The following LDB2 variants were observed in gnomAD, a reference collection of about 807,000 sequenced individuals.
LDB2 encodes LIM domain binding 2, also known as LIM domain-binding protein 2.
Under a neutral mutation model 44.3 loss-of-function variants are expected in LDB2, and 12 were observed. The observed-to-expected ratio is 0.27, with a 90% CI of 0.17 to 0.44. LDB2 has a LOEUF of 0.44. LDB2 is among the 20% of genes least tolerant of loss of function. The pLI is 1.00. For synonymous variants in LDB2, 164 were observed against 174.8 expected, an observed-to-expected ratio of 0.94 and a Z score of 0.49; for missense variants, 344 against 473.5, an observed-to-expected ratio of 0.73 and a Z score of 2.54.
intron 2 of LDB2, among the ~76,000 whole-genome samples, chr4:16,631,779 A>C (rs1732029106): frequency 1.3e-5 from 2 of 152,240 alleles, no homozygotes; most frequent in Admixed American, 6.5e-5. Context: ...ACAGAAATAC[A>C]AACTACCATC....
intron 1 of LDB2, among the ~76,000 whole-genome samples, chr4:16,890,852 G>C (rs970455357): frequency 3.9e-5 from 6 of 152,082 alleles, no homozygotes; most frequent in African/African-American, 9.7e-5. Flanking sequence ...GGTCTGCAAG[G>C]GTAGGAAGGA....
At chr4:16,567,786 A>G (rs1461795376) in intron 5 of LDB2, among the ~76,000 whole-genome samples, 8 of 152,236 alleles carry the variant, frequency 5.3e-5, no homozygotes, top group Admixed American at 4.6e-4. Context: ...AAAACAAAAA[A>G]AAGTTTACAT....
intron 1 of LDB2, among the ~76,000 whole-genome samples, chr4:16,862,078 G>C (rs748481011): frequency 1.2e-4 from 19 of 152,132 alleles, no homozygotes; most frequent in Non-Finnish European, 2.5e-4. Context: ...CTGCCACACA[G>C]TGAATTCTCA....
chr4:16,545,023 G>A (rs894011874), intron 5 of LDB2, among the ~76,000 whole-genome samples: 1 of 152,118 alleles, frequency 6.6e-6, no homozygotes, highest in Non-Finnish European at 1.5e-5. Flanking sequence ...AACCAAGACA[G>A]CATGATGCCC....
rs138252134 is a variant in LDB2 at position 16,683,521 on chromosome 4, A to G, written c.235+75637T>C. ...GACTGTAATCTCCAAAGTTTCTTTC[A>G]GCTCTAAAATTGTGTCATTTTTCAG... On this transcript the variant is annotated intron_variant, in intron 2 of 7. Coordinates refer to ENST00000304523, the MANE Select transcript of LDB2 (RefSeq NM_001290.5). Among the ~76,000 whole-genome samples the G allele has an allele frequency of 1.7e-3, 256 of 152,318 alleles. 1 individual carries two copies. Among genetic ancestry groups the G allele is most frequent in the African/African-American group, 5.9e-3 (245 of 41,564 alleles).
At chr4:16,845,450 T>A (rs1359366256) in intron 1 of LDB2, among the ~76,000 whole-genome samples, 8 of 152,216 alleles carry the variant, frequency 5.3e-5, no homozygotes, top group Admixed American at 2.0e-4. Flanking sequence ...CTTACTTTTC[T>A]CTCTTGCCTT....
chr4:16,808,840 G>A (rs1460653791), intron 1 of LDB2, among the ~76,000 whole-genome samples: 6 of 151,992 alleles, frequency 3.9e-5, no homozygotes, highest in South Asian at 2.1e-4. Context: ...AGTAAATAGC[G>A]GGTCCTGGTG....
At chr4:16,652,917 A>G (rs1475342820) in intron 2 of LDB2, among the ~76,000 whole-genome samples, 1 of 152,240 alleles carries the variant, frequency 6.6e-6, no homozygotes. Context: ...AACACTGAAT[A>G]TAACATATGC....
intron 1 of LDB2, among the ~76,000 whole-genome samples, chr4:16,799,827 AGT>A (rs1777428690): frequency 5.3e-5 from 8 of 152,230 alleles, no homozygotes; most frequent in African/African-American, 1.7e-4. Context: ...ATACTTTTCC[AGT>A]ATAAGTATGT....
At chr4:16,764,137 A>G (rs1205427594) in intron 1 of LDB2, among the ~76,000 whole-genome samples, 1 of 152,188 alleles carries the variant, frequency 6.6e-6, no homozygotes, top group Non-Finnish European at 1.5e-5. Context: ...ATTTTACTTA[A>G]AAAGTTATTT....
intron 2 of LDB2, among the ~76,000 whole-genome samples, chr4:16,732,157 G>A (rs893156460): frequency 6.6e-6 from 1 of 152,180 alleles, no homozygotes; most frequent in Non-Finnish European, 1.5e-5. Context: ...ATGAACTGTT[G>A]TTTCAAGACA....
At chr4:16,512,327 G>A in intron 5 of LDB2, 1 of 454,836 alleles carries the variant, frequency 2.2e-6, no homozygotes, top group South Asian at 3.0e-5. Flanking sequence ...GATTCACACG[G>A]ATACACACAC....
intron 2 of LDB2, among the ~76,000 whole-genome samples, chr4:16,685,350 A>G (rs73132719): frequency 1.5e-3 from 234 of 152,288 alleles, no homozygotes; most frequent in African/African-American, 5.2e-3. Context: ...AGGTTACCTC[A>G]GATACCTTTT....
intron 2 of LDB2, among the ~76,000 whole-genome samples, chr4:16,711,069 T>C (rs1363148919): frequency 1.3e-5 from 2 of 152,228 alleles, no homozygotes; most frequent in African/African-American, 4.8e-5. Flanking sequence ...GTATCAGGCA[T>C]CATAATGGCC....
intron 2 of LDB2, among the ~76,000 whole-genome samples, chr4:16,628,549 C>T (rs1423857280): frequency 1.3e-5 from 2 of 152,054 alleles, no homozygotes; most frequent in African/African-American, 2.4e-5. Flanking sequence ...AAACACTACC[C>T]GTCCTCTGGT....
At chr4:16,583,371 A>G (rs1715481421) in intron 5 of LDB2, among the ~76,000 whole-genome samples, 1 of 152,160 alleles carries the variant, frequency 6.6e-6, no homozygotes, top group East Asian at 1.9e-4. Context: ...CATATTTACC[A>G]AAGTATCCAT....
chr4:16,888,638 C>T, intron 1 of LDB2: 1 of 814,336 alleles, frequency 1.2e-6, no homozygotes. Context: ...TTTAAAGATA[C>T]TTTTAAGAAA....
At chr4:16,893,674 G>A (rs1176785229) in intron 1 of LDB2, among the ~76,000 whole-genome samples, 2 of 152,040 alleles carry the variant, frequency 1.3e-5, no homozygotes, top group Non-Finnish European at 2.9e-5. Flanking sequence ...TACAGCTTCC[G>A]ATTGTAATCA....
intron 1 of LDB2, among the ~76,000 whole-genome samples, chr4:16,859,502 A>G (rs1167384601): frequency 3.9e-5 from 6 of 152,236 alleles, no homozygotes; most frequent in Non-Finnish European, 7.3e-5. Context: ...ATTGGATTAT[A>G]GGAGCAAACC....
Sources: gnomAD v4.1 joint callset for allele counts (sites outside exome capture counted in the v4.1 genomes callset) on GRCh38, gnomAD v4.1.1 for gene constraint, MANE v1.5 for transcripts, NCBI Gene and HGNC (gene_info 2026-07-23, HGNC 2026-07-21) for gene names.